SLC9A8: variants seen among roughly 807,000 people sequenced by gnomAD.
The protein encoded by SLC9A8 is sodium/hydrogen exchanger 8.
A neutral mutation model predicts 66.6 loss-of-function variants in SLC9A8; 48 were observed. The observed-to-expected ratio is 0.72, with a 90% CI of 0.57 to 0.92. The LOEUF (loss-of-function observed/expected upper bound fraction) is 0.92. Ranked by LOEUF, SLC9A8 falls within the 40% of genes least tolerant of loss-of-function variation. The pLI is 0.00. For synonymous variants in SLC9A8, 274 were observed against 282.6 expected, an observed-to-expected ratio of 0.97 and a Z score of 0.31; for missense variants, 599 against 747.3, an observed-to-expected ratio of 0.80 and a Z score of 2.31.
rs2089778813 is a variant in SLC9A8 at position 49,884,274 on chromosome 20, G to GAGACAC, written c.1491+209_1491+210insGACACA. On this transcript the variant is annotated intron_variant, in intron 14 of 15. Coordinates refer to ENST00000361573, the MANE Select transcript of SLC9A8 (RefSeq NM_015266.3). The stretch of plus-strand genomic sequence containing the variant: ...ACACACACACGACACACACACACAC[G>GAGACAC]ACACACACACACACGACACACACAC... 6.4e-4 allele frequency: 77 copies of GAGACAC among 120,570 alleles called. 3 individuals carry two copies. The highest frequency in any genetic ancestry group is 1.2e-3 in the South Asian group (23 of 19,684). 7.5% of individuals were successfully genotyped at this position (120,570 alleles called of 1,614,324 possible).
Position 49,891,418 on chromosome 20 carries a change from A to C in SLC9A8, c.*3482A>C, listed in dbSNP as rs905560851. On this transcript the variant is annotated 3_prime_UTR_variant, in exon 16 of 16. Transcript: ENST00000361573. Reference sequence around the variant, plus strand: ...CACAGTCAAGATAAAGGCCTCGAGAATAAAGAGCCAGCCCCCTTCCATTTA... The same window carrying C: ...CACAGTCAAGATAAAGGCCTCGAGACTAAAGAGCCAGCCCCCTTCCATTTA... 2 of 152,214 alleles carry C rather than the reference A, an allele frequency of 1.3e-5. No homozygotes were observed. The highest frequency in any genetic ancestry group is 4.8e-5 in the African/African-American group (2 of 41,420). 9.4% of individuals were successfully genotyped at this position (152,214 alleles called of 1,614,324 possible).
chr20:49,866,877 G>T (rs1461480616), intron 10 of SLC9A8, among the ~76,000 whole-genome samples: 1 of 152,046 alleles, frequency 6.6e-6, no homozygotes, highest in African/African-American at 2.4e-5. Context: ...CTGCCATGTG[G>T]AATCTCCTGC....
In SLC9A8 at chr20:49,812,944, G is replaced by A; in HGVS notation, c.22G>A (p.Glu8Lys). 1 of 1,457,992 alleles carries A rather than the reference G, an allele frequency of 6.9e-7. No individual in the cohort carries two copies. Among genetic ancestry groups the A allele is most frequent in the South Asian group, 1.3e-5 (1 of 76,706 alleles). 90.3% of individuals were successfully genotyped at this position (1,457,992 alleles called of 1,614,324 possible). Residue 8 changes from glutamate to lysine, a missense_variant, in exon 1 of 16, where the codon GAG becomes AAG. By Grantham distance (56) the Glu-to-Lys change is moderately conservative. This residue lies in a region of SLC9A8 where 132 missense variants were observed against 120.9 expected (regional missense o/e 1.09). Coordinates refer to ENST00000361573, the MANE Select transcript of SLC9A8 (RefSeq NM_015266.3). MGEKMAE[E>K]ERFPNTTHEG... ...CAGGATGGGGGAGAAGATGGCGGAA[G>A]AGGAGTGAGTGGGCTTTTTCCCGGG...
chr20:49,860,705 A>G (rs2088695744), intron 8 of SLC9A8, among the ~76,000 whole-genome samples: 1 of 152,172 alleles, frequency 6.6e-6, no homozygotes, highest in Non-Finnish European at 1.5e-5. Context: ...TGAGCAACAG[A>G]GCGAGACTCC....
intron 5 of SLC9A8, among the ~76,000 whole-genome samples, chr20:49,845,646 G>A (rs551294940): frequency 3.0e-4 from 45 of 151,668 alleles, no homozygotes; most frequent in Non-Finnish European, 2.1e-4. Context: ...ATCGCTCCTC[G>A]CCCACTCCCT....
At chr20:49,845,428 T>C (rs913668635) in intron 5 of SLC9A8, among the ~76,000 whole-genome samples, 3 of 152,250 alleles carry the variant, frequency 2.0e-5, no homozygotes, top group Admixed American at 6.5e-5. Context: ...TTGACTCGTC[T>C]TCCTGGACAC....
chr20:49,831,108 G>A, intron 3 of SLC9A8: 1 of 607,968 alleles, frequency 1.6e-6, no homozygotes, highest in Admixed American at 2.2e-5. Context: ...CCCACCCCCA[G>A]CCCTCTAATC....
At chr20:49,825,160 C>G (rs983958375) in intron 3 of SLC9A8, among the ~76,000 whole-genome samples, 1 of 152,118 alleles carries the variant, frequency 6.6e-6, no homozygotes, top group Non-Finnish European at 1.5e-5. Context: ...AACTTCCTAT[C>G]TTAGTGCTAC....
At chr20:49,822,199 T>C (rs2086764720) in intron 2 of SLC9A8, among the ~76,000 whole-genome samples, 1 of 152,188 alleles carries the variant, frequency 6.6e-6, no homozygotes, top group African/African-American at 2.4e-5. Context: ...GCAGGAGTGT[T>C]CCATATTCAG....
chr20:49,884,085 T>G lies in SLC9A8; in HGVS notation c.1491+19T>G. ...GAAGATGGTTAGTACCATGCGCCTGTGGGGGTGGGGCAGGGGGCTGGCCTG... is the reference window on the plus strand; with the variant it reads ...GAAGATGGTTAGTACCATGCGCCTGGGGGGGTGGGGCAGGGGGCTGGCCTG... On this transcript the variant is annotated intron_variant, in intron 14 of 15. Transcript: ENST00000361573. The G allele has an allele frequency of 6.2e-7, 1 of 1,608,480 alleles. No individual in the cohort carries two copies.
intron 1 of SLC9A8, among the ~76,000 whole-genome samples, chr20:49,814,464 T>TA (rs1326192589): frequency 2.0e-5 from 3 of 152,146 alleles, no homozygotes; most frequent in Admixed American, 6.5e-5. Context: ...TGTGGGAACA[T>TA]ACGCAGTGGA....
intron 2 of SLC9A8, among the ~76,000 whole-genome samples, chr20:49,821,324 TG>T (rs1479427157): frequency 1.3e-5 from 2 of 152,260 alleles, no homozygotes; most frequent in Non-Finnish European, 2.9e-5. Flanking sequence ...TGCCGTTTTT[TG>T]TTTTGTCTAG....
intron 1 of SLC9A8, among the ~76,000 whole-genome samples, chr20:49,814,317 C>T (rs1240280446): frequency 7.9e-5 from 12 of 152,138 alleles, no homozygotes; most frequent in Admixed American, 3.9e-4. Flanking sequence ...CATGTTATAC[C>T]TATTAAATGA....
At chr20:49,843,814 A>G (rs2087864921) in intron 4 of SLC9A8, among the ~76,000 whole-genome samples, 1 of 152,168 alleles carries the variant, frequency 6.6e-6, no homozygotes, top group Admixed American at 6.5e-5. Context: ...ATTTGATTCC[A>G]GTGTTGGAAG....
intron 3 of SLC9A8, chr20:49,830,378 T>C (rs1361461514): frequency 7.1e-6 from 6 of 848,440 alleles, no homozygotes; most frequent in African/African-American, 1.7e-5. Context: ...GAACCCCTGC[T>C]GAAGTCCTCT....
In SLC9A8 at chr20:49,883,829, T is replaced by C. The variant is rs2089719343; in HGVS notation, c.1271-17T>C. The C allele has an allele frequency of 6.3e-7, 1 of 1,596,168 alleles. No homozygotes were observed. Among genetic ancestry groups the C allele is most frequent in the Non-Finnish European group, 8.5e-7 (1 of 1,174,760 alleles). ...GCCTCTTCACTGTGTCCTCTCACAC[T>C]GTTTGCTGTCACCCAGGCCTGCGGG... On this transcript the variant is annotated splice_polypyrimidine_tract_variant and intron_variant, in intron 13 of 15. Transcript: ENST00000361573.
chr20:49,887,843 G>A lies in SLC9A8; in HGVS notation c.1653G>A (p.Gly551=), dbSNP rs1400051325. 1 of 1,610,082 alleles carries A rather than the reference G, an allele frequency of 6.2e-7. No homozygotes were observed. Among genetic ancestry groups the A allele is most frequent in the Admixed American group, 1.7e-5 (1 of 59,692 alleles). ...RRLTQEDLHH[G]RIQMKTLTNK... The stretch of plus-strand genomic sequence containing the variant: ...TCTCGACCCAGGACCTGCACCACGG[G>A]CGCATCCAGATGAAAACTCTCACCA... The change falls in exon 16 of 16, where the codon GGG becomes GGA. Residue 551 remains glycine, a synonymous_variant. Coordinates refer to ENST00000361573, the MANE Select transcript of SLC9A8 (RefSeq NM_015266.3).
intron 3 of SLC9A8, among the ~76,000 whole-genome samples, chr20:49,824,723 T>C (rs1374442856): frequency 6.6e-6 from 1 of 152,196 alleles, no homozygotes; most frequent in Non-Finnish European, 1.5e-5. Context: ...TTCCCCCTTC[T>C]TCCTTGAAAA....
At chr20:49,835,037 G>A (rs1050232629) in intron 3 of SLC9A8, among the ~76,000 whole-genome samples, 1 of 152,174 alleles carries the variant, frequency 6.6e-6, no homozygotes, top group Non-Finnish European at 1.5e-5. Context: ...ATTATCCAGC[G>A]CGACTGAGGA....
Sources: allele counts gnomAD v4.1 joint callset (sites outside exome capture counted in the v4.1 genomes callset), GRCh38; gene constraint gnomAD v4.1.1; regional missense constraint gnomAD v4.1.1; transcripts MANE v1.5; gene names NCBI Gene and HGNC (gene_info 2026-07-23, HGNC 2026-07-21).